BMAL2: variants seen among roughly 807,000 people sequenced by gnomAD.
BMAL2 encodes the protein basic helix-loop-helix ARNT-like protein 2.
the BMAL2 span, among the ~76,000 whole-genome samples, chr12:27,364,754 T>G: frequency 6.6e-6 from 1 of 152,190 alleles, no homozygotes; most frequent in East Asian, 1.9e-4. Context: ...TTTAGTATAT[T>G]GAAGCCTCCA....
chr12:27,393,157 A>G, the BMAL2 span, among the ~76,000 whole-genome samples: 18 of 152,172 alleles, frequency 1.2e-4, no homozygotes, highest in African/African-American at 4.3e-4. Flanking sequence ...ATAAATACTT[A>G]TCTAGGCTGA....
the BMAL2 span, among the ~76,000 whole-genome samples, chr12:27,371,964 A>G: frequency 1.3e-5 from 2 of 152,192 alleles, no homozygotes; most frequent in East Asian, 1.9e-4. Context: ...TATTCTAGCA[A>G]ATTGCCACTA....
the BMAL2 span, among the ~76,000 whole-genome samples, chr12:27,396,970 G>A: frequency 6.6e-6 from 1 of 152,202 alleles, no homozygotes; most frequent in Non-Finnish European, 1.5e-5. Flanking sequence ...TGTCTGTCAA[G>A]TGAAATTACA....
chr12:27,334,343 C>T, the BMAL2 span, among the ~76,000 whole-genome samples: 1 of 152,182 alleles, frequency 6.6e-6, no homozygotes, highest in South Asian at 2.1e-4. Context: ...GATAACTATG[C>T]AGTCTGCCTT....
chr12:27,339,273 C>T, the BMAL2 span, among the ~76,000 whole-genome samples: 4 of 152,284 alleles, frequency 2.6e-5, no homozygotes, highest in South Asian at 8.3e-4. Flanking sequence ...CATTGATGTT[C>T]CTGCAGAGGA....
At chr12:27,411,064 T>C in the BMAL2 span, among the ~76,000 whole-genome samples, 158 of 152,280 alleles carry the variant, frequency 1.0e-3, no homozygotes, top group African/African-American at 3.4e-3. Context: ...TATTAAACTT[T>C]ATGTATTTAA....
chr12:27,384,577 G>T, the BMAL2 span, among the ~76,000 whole-genome samples: 1 of 152,106 alleles, frequency 6.6e-6, no homozygotes, highest in African/African-American at 2.4e-5. Flanking sequence ...CTTATCCATA[G>T]GGGCATACAT....
chr12:27,402,598 C>A, the BMAL2 span: 1 of 1,596,220 alleles, frequency 6.3e-7, no homozygotes, highest in Non-Finnish European at 8.6e-7. Flanking sequence ...AGTAAATCAC[C>A]TATGGTGTTT....
chr12:27,370,009 C>A, the BMAL2 span: 1 of 704,086 alleles, frequency 1.4e-6, no homozygotes, highest in South Asian at 1.8e-5. Context: ...TCCACTTCAC[C>A]CAGCTTCCTA....
chr12:27,365,801 G>T, the BMAL2 span, among the ~76,000 whole-genome samples: 9 of 148,864 alleles, frequency 6.0e-5, no homozygotes, highest in Non-Finnish European at 9.0e-5. Flanking sequence ...AAGAAACTTT[G>T]TTTAGCTTTT....
chr12:27,412,928 G>A, the BMAL2 span, among the ~76,000 whole-genome samples: 964 of 151,820 alleles, frequency 6.3e-3, 4 homozygotes, highest in Non-Finnish European at 0.01. Flanking sequence ...CCACATAAGC[G>A]TTCAGCAGCT....
chr12:27,412,097 T>G, the BMAL2 span, among the ~76,000 whole-genome samples: 1 of 152,200 alleles, frequency 6.6e-6, no homozygotes, highest in Non-Finnish European at 1.5e-5. Context: ...TAGTATTTGT[T>G]GCAAAGACCA....
the BMAL2 span, among the ~76,000 whole-genome samples, chr12:27,355,708 G>C: frequency 6.6e-6 from 1 of 152,142 alleles, no homozygotes; most frequent in Admixed American, 6.6e-5. Context: ...CATGCCAGCC[G>C]AGCTCTATGT....
the BMAL2 span, chr12:27,417,980 G>A: frequency 1.5e-5 from 9 of 593,556 alleles, no homozygotes; most frequent in South Asian, 1.1e-4. Flanking sequence ...GCAACACAGC[G>A]AGCCTCCATC....
chr12:27,359,518 A>AT, the BMAL2 span, among the ~76,000 whole-genome samples: 3 of 151,812 alleles, frequency 2.0e-5, no homozygotes, highest in South Asian at 4.2e-4. Context: ...CCTTACAGAA[A>AT]TTTTTTTTAA....
At chr12:27,397,735 C>T in the BMAL2 span, among the ~76,000 whole-genome samples, 2 of 152,200 alleles carry the variant, frequency 1.3e-5, no homozygotes, top group African/African-American at 4.8e-5. Flanking sequence ...GACAATTACT[C>T]AGGTATCTGA....
the BMAL2 span, among the ~76,000 whole-genome samples, chr12:27,386,326 G>C: frequency 6.6e-6 from 1 of 152,096 alleles, no homozygotes; most frequent in Non-Finnish European, 1.5e-5. Flanking sequence ...TACCTTCATG[G>C]AACCCTGCTT....
the BMAL2 span, chr12:27,423,624 C>A: frequency 6.6e-6 from 1 of 152,338 alleles, no homozygotes; most frequent in East Asian, 1.9e-4. Context: ...CCACTGCGCC[C>A]GGCCTACTCT....
the BMAL2 span, among the ~76,000 whole-genome samples, chr12:27,407,793 A>G: frequency 3.9e-5 from 6 of 152,324 alleles, no homozygotes; most frequent in East Asian, 5.8e-4. Flanking sequence ...CAAAAAATCA[A>G]TGAATCCAGG....
Sources: gnomAD v4.1 joint callset for allele counts (sites outside exome capture counted in the v4.1 genomes callset) on GRCh38, gnomAD v4.1.1 for gene constraint, MANE v1.5 for transcripts, NCBI Gene and HGNC (gene_info 2026-07-23, HGNC 2026-07-21) for gene names.